Variants in ZGRF1 observed in about 807,000 individuals in gnomAD.
ZGRF1 encodes the protein zinc finger GRF-type containing 1.
A neutral mutation model predicts 203.5 loss-of-function variants in ZGRF1; 196 were observed. The ratio of observed to expected loss-of-function variants is 0.96; its 90% CI spans 0.86 to 1.08. The LOEUF (loss-of-function observed/expected upper bound fraction) is 1.08. ZGRF1 is among the 50% of genes least tolerant of loss of function. ZGRF1 has a pLI of 0.00. For synonymous variants in ZGRF1, 809 were observed against 841.3 expected (o/e 0.96, Z 0.66); for missense variants, 2,326 against 2,416.3 (o/e 0.96, Z 0.78).
chr4:112,618,652 T>C lies in ZGRF1; in HGVS notation c.1390A>G (p.Thr464Ala), dbSNP rs773197260. Residue 464 changes from threonine to alanine, a missense_variant, in exon 6 of 28, where the codon ACA becomes GCA. Transcript: ENST00000505019. The stretch of plus-strand genomic sequence containing the variant: ...TACTCCTTTTCCAGTGTTCCACATG[T>C]ATTTACCTCCTGAGCATTTTCTTTA... The part of the protein sequence containing the change: ...LIKENAQEVN[T>A]CGTLEKEYEQ... 4 of 1,613,384 alleles carry C rather than the reference T, an allele frequency of 2.5e-6. No homozygotes were observed. The highest frequency in any genetic ancestry group is 3.4e-6 in the Non-Finnish European group (4 of 1,179,760).
In ZGRF1 at chr4:112,586,525, A is replaced by G; in HGVS notation, c.3836T>C (p.Leu1279Pro). ...TGGTATGTGAATTTGCCTTTGGGGA[A>G]GATAAGCAGATTTTATTTTCTGCCC... ...PSGQKIKSAY[L>P]PQRQIHIPAV... The change falls in exon 13 of 28, where the codon CTT (leucine) becomes CCT (proline). Residue 1279 changes from leucine (L) to proline (P), a missense_variant. Transcript: ENST00000505019. 1 of 1,613,194 alleles carries G rather than the reference A, an allele frequency of 6.2e-7. No individual in the cohort carries two copies. Among genetic ancestry groups the G allele is most frequent in the Non-Finnish European group, 8.5e-7 (1 of 1,179,398 alleles).
chr4:112,575,959 T>C (rs1745126763), intron 16 of ZGRF1, among the ~76,000 whole-genome samples: 1 of 152,212 alleles, frequency 6.6e-6, no homozygotes, highest in Non-Finnish European at 1.5e-5. Context: ...GCTGGACATC[T>C]GAGAATGGAC....
In ZGRF1 at chr4:112,558,274, C is replaced by G. The variant is rs1366857129; in HGVS notation, c.4996G>C (p.Val1666Leu). The G allele has an allele frequency of 3.8e-6, 6 of 1,582,902 alleles. No individual in the cohort carries two copies. The highest frequency in any genetic ancestry group is 5.1e-6 in the Non-Finnish European group (6 of 1,168,864). ...AGCTGTACAAAGAACAAAATCACCA[C>G]TGCCAGCAAGTAACTCTTTCCTGCT... ...FGAGKSYLLA[V>L]VILFFVQLFE... is the part of the protein sequence containing the mutation. The change falls in exon 20 of 28, where the codon GTG becomes CTG. Residue 1666 changes from valine to leucine, a missense_variant. By Grantham distance (32) the Val-to-Leu change is conservative. Coordinates refer to ENST00000505019, the MANE Select transcript of ZGRF1 (RefSeq NM_018392.5).
At chr4:112,595,069 C>T (rs1748775445) in intron 10 of ZGRF1, among the ~76,000 whole-genome samples, 1 of 151,872 alleles carries the variant, frequency 6.6e-6, no homozygotes, top group African/African-American at 2.4e-5. Context: ...TGGTGAAACC[C>T]CATCTCTACT....
chr4:112,613,051 T>C (rs2046744276), intron 6 of ZGRF1, among the ~76,000 whole-genome samples: 2 of 152,196 alleles, frequency 1.3e-5, no homozygotes, highest in African/African-American at 2.4e-5. Flanking sequence ...CCCAGCACTT[T>C]AGGAGGCCAA....
chr4:112,544,926 C>G (rs964411498), intron 24 of ZGRF1, among the ~76,000 whole-genome samples: 1 of 152,120 alleles, frequency 6.6e-6, no homozygotes, highest in Non-Finnish European at 1.5e-5. Flanking sequence ...ATTGGGAAAA[C>G]TATATATCCA....
chr4:112,619,170 G>A lies in ZGRF1; in HGVS notation c.872C>T (p.Thr291Ile). 1 of 1,613,482 alleles carries A rather than the reference G, an allele frequency of 6.2e-7. No homozygotes were observed. The highest frequency in any genetic ancestry group is 1.1e-5 in the South Asian group (1 of 91,076). ...CTGTTGAATTAGGTACTTTGGTTTA[G>A]TAGCAATTTTTAAACTTCCTTGTGG... ...KQPQGSLKIATKPKYLIQQEE... is the reference protein window; with the variant it reads ...KQPQGSLKIAIKPKYLIQQEE... Residue 291 changes from threonine (T) to isoleucine (I), a missense_variant, in exon 6 of 28, where the codon ACT (threonine) becomes ATT (isoleucine). Transcript: ENST00000505019.
chr4:112,610,950 A>G (rs1466627689), intron 7 of ZGRF1: 1 of 302,306 alleles, frequency 3.3e-6, no homozygotes, highest in African/African-American at 2.3e-5. Context: ...AACTGGACAC[A>G]AAAAAATCTG....
intron 3 of ZGRF1, among the ~76,000 whole-genome samples, chr4:112,626,229 C>T (rs1445166835): frequency 6.6e-6 from 1 of 152,080 alleles, no homozygotes; most frequent in Non-Finnish European, 1.5e-5. Context: ...ACGGGTGAAT[C>T]GAAAAGTGTG....
chr4:112,609,374 CT>C lies in ZGRF1; in HGVS notation c.2718+4del. The C allele has an allele frequency of 6.7e-7, 1 of 1,491,704 alleles. No homozygotes were observed. The allele number at this position is 1,491,704 out of a possible 1,614,324, so 92.4% of individuals were successfully genotyped here. On this transcript the variant is annotated splice_donor_region_variant and intron_variant, in intron 8 of 27. Coordinates refer to ENST00000505019, the MANE Select transcript of ZGRF1 (RefSeq NM_018392.5). ...AGGGGCTAATTTATATTTTAAATAA[CT>C]TACCTGCACAGACTGAAGTGGTTCA...
intron 13 of ZGRF1, 84 bp from the exon 14 acceptor site, chr4:112,585,809 T>G (rs1440699810): frequency 5.4e-6 from 5 of 930,220 alleles, no homozygotes; most frequent in Non-Finnish European, 7.6e-6. Context: ...GTAGCTAAAT[T>G]TGAATAGCCT....
chr4:112,633,595 C>T lies in ZGRF1; in HGVS notation c.-66-353G>A, dbSNP rs369052424. On this transcript the variant is annotated intron_variant, in intron 1 of 27. Transcript: ENST00000505019. ...ATTTTTAAAGTTTTCTGAATTGCTA[C>T]GGTTACCACAAGATGGCCCCCTTGT... Among the ~76,000 whole-genome samples the T allele has an allele frequency of 3.0e-4, 46 of 152,340 alleles. No homozygotes were observed. In the South Asian group the frequency reaches 5.4e-3, roughly 18 times the overall value.
At chr4:112,547,501 A>T (rs938008998) in intron 23 of ZGRF1, 93 bp from the exon 24 acceptor site, 2 of 1,142,830 alleles carry the variant, frequency 1.8e-6, no homozygotes, top group African/African-American at 3.1e-5. Flanking sequence ...ACTTCGAAAT[A>T]TTCAAATGCC....
In ZGRF1 at chr4:112,562,408, G is replaced by C. The variant is rs1315575273; in HGVS notation, c.4660C>G (p.Pro1554Ala). Reference sequence around the variant, plus strand: ...TACTGTGTTAGAGGTAGAGTAGCTGGATTAAAGTAGTCCTGAATGTTTTTC... The same window carrying C: ...TACTGTGTTAGAGGTAGAGTAGCTGCATTAAAGTAGTCCTGAATGTTTTTC... ...TLKNIQDYFNPATLPLTQYLL... is the reference protein window; with the variant it reads ...TLKNIQDYFNAATLPLTQYLL... Residue 1554 changes from proline to alanine, a missense_variant, in exon 18 of 28, where the codon CCA becomes GCA. Coordinates refer to ENST00000505019, the MANE Select transcript of ZGRF1 (RefSeq NM_018392.5). The C allele has an allele frequency of 1.9e-6, 3 of 1,609,214 alleles. No individual in the cohort carries two copies. The highest frequency in any genetic ancestry group is 1.7e-6 in the Non-Finnish European group (2 of 1,177,410).
chr4:112,602,558 C>T (rs886658105), intron 10 of ZGRF1, among the ~76,000 whole-genome samples: 2 of 152,198 alleles, frequency 1.3e-5, no homozygotes, highest in East Asian at 1.9e-4. Flanking sequence ...AAGTATGTCA[C>T]GCATGTGTGT....
intron 10 of ZGRF1, among the ~76,000 whole-genome samples, chr4:112,602,147 G>A (rs1265714758): frequency 6.6e-6 from 1 of 151,964 alleles, no homozygotes. Context: ...AGGTTGCAGT[G>A]AGCCAAGATC....
rs150256303 is a variant in ZGRF1, at chr4:112,634,728, G to A, written c.-66-1486C>T. Among the ~76,000 whole-genome samples, 686 of 152,290 alleles carry A rather than the reference G, an allele frequency of 4.5e-3. 9 individuals are homozygous for A. Among genetic ancestry groups the A allele is most frequent in the African/African-American group, 0.016 (653 of 41,572 alleles). The stretch of plus-strand genomic sequence containing the variant: ...TGGCATCTTCCCTTGACTAATCAAG[G>A]TGATCTGGAGAAAGAATAGGTAAGG... On this transcript the variant is annotated intron_variant, in intron 1 of 27. Transcript: ENST00000505019.
At chr4:112,542,975 C>T (rs1033111732) in intron 24 of ZGRF1, among the ~76,000 whole-genome samples, 6 of 152,112 alleles carry the variant, frequency 3.9e-5, no homozygotes, top group East Asian at 1.9e-4. Context: ...AGATTATAGG[C>T]ATGAGCCATC....
chr4:112,541,534 G>GTTT (rs35774230), intron 24 of ZGRF1, among the ~76,000 whole-genome samples: 1 of 135,278 alleles, frequency 7.4e-6, no homozygotes, highest in East Asian at 2.2e-4. Context: ...TTTTTGTTTT[G>GTTT]TTTTTTTTTT....
Sources: gnomAD v4.1 joint callset for allele counts (sites outside exome capture counted in the v4.1 genomes callset) on GRCh38, gnomAD v4.1.1 for gene constraint, MANE v1.5 for transcripts, NCBI Gene and HGNC (gene_info 2026-07-23, HGNC 2026-07-21) for gene names.